Variants in ADAMTS9 observed in about 807,000 individuals in gnomAD.
The protein encoded by ADAMTS9 is A disintegrin and metalloproteinase with thrombospondin motifs 9.
ADAMTS9 carries 107 observed loss-of-function variants against 257.1 expected under a neutral mutation model. The ratio of observed to expected loss-of-function variants is 0.42; its 90% CI spans 0.36 to 0.49. The LOEUF is 0.49. Ranked by LOEUF, ADAMTS9 falls within the 20% of genes least tolerant of loss-of-function variation. The pLI, the probability that ADAMTS9 is intolerant of heterozygous loss-of-function variation, is 0.03. For synonymous variants in ADAMTS9, 982 were observed against 880.9 expected (o/e 1.11, Z -2.03); for missense variants, 2,353 against 2,469.1 (o/e 0.95, Z 1.00).
Position 64,615,699 on chromosome 3 carries a change from C to T in ADAMTS9, c.3025-214G>A, listed in dbSNP as rs4317088. On this transcript the variant is annotated intron_variant, in intron 20 of 39. Coordinates refer to ENST00000498707, the MANE Select transcript of ADAMTS9 (RefSeq NM_182920.2). Reference sequence around the variant, plus strand: ...GCTCATTGGCATATAAAAATAAAACCGGAAATGGCTTGTAGAGTATGCAAA... The same window carrying T: ...GCTCATTGGCATATAAAAATAAAACTGGAAATGGCTTGTAGAGTATGCAAA... Among the ~76,000 whole-genome samples the T allele has an allele frequency of 0.23, 35,197 of 151,874 alleles. 4,944 individuals carry two copies. Among genetic ancestry groups the T allele is most frequent in the East Asian group, 0.5 (2,591 of 5,140 alleles).
At chr3:64,534,842 G>A (rs1363110981) in intron 37 of ADAMTS9, among the ~76,000 whole-genome samples, 1 of 152,146 alleles carries the variant, frequency 6.6e-6, no homozygotes. Context: ...CTGCTGCGAT[G>A]CACAGGACAG....
At chr3:64,536,045 A>G (rs7653780) in intron 37 of ADAMTS9, among the ~76,000 whole-genome samples, 97,529 of 151,992 alleles carry the variant, frequency 0.64, 35,763 homozygotes, top group Non-Finnish European at 0.85. Context: ...AGTTTTCCGG[A>G]GGTCCAGGCG....
intron 13 of ADAMTS9, 26 bp from the exon 14 acceptor site, chr3:64,633,634 G>A (rs527255791): frequency 6.2e-7 from 1 of 1,613,998 alleles, no homozygotes; most frequent in South Asian, 1.1e-5. Flanking sequence ...AATACAACTT[G>A]ACTTTTGTGC....
At chr3:64,590,223 C>T (rs573808526) in intron 28 of ADAMTS9, 2 of 152,028 alleles carry the variant, frequency 1.3e-5, no homozygotes, top group East Asian at 1.9e-4. Context: ...TTTAAAGTAT[C>T]CCTTTAAAAT....
chr3:64,660,959 C>T (rs1431765190), intron 3 of ADAMTS9, among the ~76,000 whole-genome samples: 3 of 152,106 alleles, frequency 2.0e-5, no homozygotes, highest in East Asian at 1.9e-4. Flanking sequence ...GGATACAGTG[C>T]GCAATCAGTT....
chr3:64,683,905 T>A (rs1316521467), intron 2 of ADAMTS9, among the ~76,000 whole-genome samples: 1 of 151,958 alleles, frequency 6.6e-6, no homozygotes, highest in South Asian at 2.1e-4. Context: ...GAAGTGTCTA[T>A]GAAGGGGGAG....
chr3:64,678,093 G>C (rs531732910), intron 3 of ADAMTS9, among the ~76,000 whole-genome samples: 141 of 152,270 alleles, frequency 9.3e-4, no homozygotes, highest in African/African-American at 3.2e-3. Context: ...CCATGATCTG[G>C]TAACTAAAGG....
intron 23 of ADAMTS9, 56 bp downstream of exon 23, chr3:64,606,904 C>A (rs1402572956): frequency 8.7e-6 from 14 of 1,602,752 alleles, no homozygotes; most frequent in Admixed American, 1.7e-5. Flanking sequence ...AACAGCTGGG[C>A]AGTTTGGTAC....
chr3:64,619,233 T>C (rs6445417), intron 19 of ADAMTS9, among the ~76,000 whole-genome samples: 85,607 of 151,856 alleles, frequency 0.56, 26,853 homozygotes, highest in African/African-American at 0.86. Context: ...TCAACCAGTC[T>C]CGTTCTGATT....
At chr3:64,574,732 C>CAT (rs1553704881) in intron 28 of ADAMTS9, among the ~76,000 whole-genome samples, 1 of 149,888 alleles carries the variant, frequency 6.7e-6, no homozygotes, top group Admixed American at 6.7e-5. Context: ...CACACACACA[C>CAT]CGCCCCCCTC....
intron 39 of ADAMTS9, among the ~76,000 whole-genome samples, chr3:64,518,603 G>C (rs1309999164): frequency 6.6e-6 from 1 of 152,030 alleles, no homozygotes; most frequent in Non-Finnish European, 1.5e-5. Context: ...GGTGAGGCCT[G>C]ACATTGTGCA....
At chr3:64,628,385 C>T (rs1297131326) in intron 16 of ADAMTS9, among the ~76,000 whole-genome samples, 14 of 152,184 alleles carry the variant, frequency 9.2e-5, no homozygotes, top group Middle Eastern at 3.4e-3. Flanking sequence ...TTCTCTCTTT[C>T]GAAGAGAAGA....
chr3:64,662,001 A>G (rs374324267), intron 3 of ADAMTS9, among the ~76,000 whole-genome samples: 2 of 151,808 alleles, frequency 1.3e-5, no homozygotes, highest in African/African-American at 4.8e-5. Flanking sequence ...GTTGCCTTAA[A>G]GTAGAAGGTT....
At chr3:64,624,565 G>A (rs576153705) in intron 16 of ADAMTS9, among the ~76,000 whole-genome samples, 1 of 152,124 alleles carries the variant, frequency 6.6e-6, no homozygotes, top group Non-Finnish European at 1.5e-5. Flanking sequence ...GGTCAAGAGA[G>A]CTTATTGGGA....
In ADAMTS9 at chr3:64,517,209, A is replaced by G. The variant is rs186671653; in HGVS notation, c.*6-88T>C. 2.6e-5 allele frequency: 4 copies of G among 152,498 alleles called. No individual in the cohort carries two copies. The East Asian group carries it at 7.7e-4, about 29-fold the overall frequency. The allele number at this position is 152,498 out of a possible 1,614,324, so 9.4% of individuals were successfully genotyped here. On this transcript the variant is annotated intron_variant, in intron 39 of 39. Transcript: ENST00000498707. ...CAACTGATAAATTTTTACATATAGA[A>G]TTTAAAATTAACACTTATTATTTTC...
intron 16 of ADAMTS9, 84 bp from the exon 17 acceptor site, chr3:64,622,670 G>C: frequency 6.8e-7 from 1 of 1,467,836 alleles, no homozygotes; most frequent in African/African-American, 1.4e-5. Flanking sequence ...TGGATAGGTA[G>C]AGAGTCGCTG....
At chr3:64,605,863 T>C (rs901287407) in intron 23 of ADAMTS9, among the ~76,000 whole-genome samples, 1 of 152,216 alleles carries the variant, frequency 6.6e-6, no homozygotes, top group Non-Finnish European at 1.5e-5. Context: ...ATAAAGGAGG[T>C]ATAGCAATTT....
intron 22 of ADAMTS9, 130 bp downstream of exon 22, chr3:64,613,215 T>G (rs2084699537): frequency 9.5e-7 from 1 of 1,053,394 alleles, no homozygotes; most frequent in South Asian, 1.6e-5. Flanking sequence ...CTTGATCCAG[T>G]GCCATGGAGG....
intron 28 of ADAMTS9, among the ~76,000 whole-genome samples, chr3:64,572,854 C>T (rs1445733678): frequency 3.3e-5 from 5 of 151,656 alleles, no homozygotes; most frequent in South Asian, 2.1e-4. Flanking sequence ...CCGAGGCAGG[C>T]GGATCACAAG....
Sources: gnomAD v4.1 joint callset for allele counts (sites outside exome capture counted in the v4.1 genomes callset) on GRCh38, gnomAD v4.1.1 for gene constraint, MANE v1.5 for transcripts, NCBI Gene and HGNC (gene_info 2026-07-23, HGNC 2026-07-21) for gene names.